The following RGS22 variants were observed in gnomAD, a reference collection of about 807,000 sequenced individuals.
RGS22 encodes the protein regulator of G-protein signaling 22.
A neutral mutation model predicts 172.9 loss-of-function variants in RGS22; 148 were observed. The observed-to-expected ratio is 0.86, with a 90% CI of 0.75 to 0.98. The LOEUF is 0.98. Among genes scored for constraint, RGS22 ranks in the 50% least tolerant of loss-of-function variants. The pLI, the probability that RGS22 is intolerant of heterozygous loss-of-function variation, is 0.00. For missense variants in RGS22, 1,347 were observed against 1,440.8 expected, an observed-to-expected ratio of 0.93 and a Z score of 1.05; for synonymous variants, 458 against 480.2, an observed-to-expected ratio of 0.95 and a Z score of 0.60.
At chr8:99,971,804 C>T (rs1285659886) in intron 23 of RGS22, among the ~76,000 whole-genome samples, 1 of 152,054 alleles carries the variant, frequency 6.6e-6, no homozygotes, top group African/African-American at 2.4e-5. Flanking sequence ...GAATCAATAT[C>T]ATGAAAATGG....
chr8:100,028,566 T>C (rs1363083080), intron 14 of RGS22, among the ~76,000 whole-genome samples: 1 of 152,180 alleles, frequency 6.6e-6, no homozygotes, highest in Non-Finnish European at 1.5e-5. Flanking sequence ...AGTTTACCAT[T>C]ATGTGGGCTT....
intron 19 of RGS22, among the ~76,000 whole-genome samples, chr8:99,998,887 C>T (rs1473026835): frequency 2.0e-5 from 3 of 152,100 alleles, no homozygotes; most frequent in South Asian, 2.1e-4. Context: ...CCTGGCATGG[C>T]GTCTCACACC....
chr8:100,003,591 C>T (rs947637258), intron 17 of RGS22, among the ~76,000 whole-genome samples: 4 of 151,536 alleles, frequency 2.6e-5, no homozygotes, highest in Middle Eastern at 3.2e-3. Context: ...GGACACATTC[C>T]AGAAACAGTA....
chr8:100,001,169 A>G (rs1041594513), intron 18 of RGS22, among the ~76,000 whole-genome samples: 1 of 144,006 alleles, frequency 6.9e-6, no homozygotes. Context: ...GCAGTGTTAC[A>G]TGAACACAAA....
intron 2 of RGS22, among the ~76,000 whole-genome samples, chr8:100,097,849 C>T (rs3101315): frequency 0.16 from 24,919 of 152,072 alleles, 2,750 homozygotes; most frequent in African/African-American, 0.31. Flanking sequence ...TATGGGTCAG[C>T]CTTCCTAGCC....
intron 7 of RGS22, among the ~76,000 whole-genome samples, chr8:100,065,599 C>T (rs1188146956): frequency 1.3e-5 from 2 of 152,154 alleles, no homozygotes; most frequent in Non-Finnish European, 2.9e-5. Context: ...TAATGACTCC[C>T]ATTTCTGGAA....
chr8:100,033,833 C>A (rs1819130353), intron 14 of RGS22, among the ~76,000 whole-genome samples: 1 of 152,126 alleles, frequency 6.6e-6, no homozygotes, highest in African/African-American at 2.4e-5. Context: ...TAAATGTAAT[C>A]CATCACATAA....
chr8:100,066,228 A>T lies in RGS22; in HGVS notation c.663T>A (p.Phe221Leu). 6.2e-7 allele frequency: 1 copy of T among 1,613,366 alleles called. No individual in the cohort carries two copies. The highest frequency in any genetic ancestry group is 1.1e-5 in the South Asian group (1 of 91,046). ...TGTAGGGTACACAACAGGGTAACGA[A>T]AAGGTTGATACTGTTTGCTGACTTT... is the stretch of plus-strand genomic sequence containing the variant. Reference protein sequence around the residue: ...AKQSQQTVSTFSLPCCVPYNK... With the variant: ...AKQSQQTVSTLSLPCCVPYNK... Residue 221 changes from phenylalanine (F) to leucine (L), a missense_variant, in exon 7 of 28, where the codon TTT becomes TTA. Coordinates refer to ENST00000360863, the MANE Select transcript of RGS22 (RefSeq NM_015668.5).
chr8:100,049,118 G>A (rs1033541113), intron 10 of RGS22, among the ~76,000 whole-genome samples: 7 of 152,174 alleles, frequency 4.6e-5, no homozygotes, highest in South Asian at 2.1e-4. Flanking sequence ...AACTGATGGG[G>A]ATGGGTGGGG....
At chr8:99,998,983 C>T (rs1644601237) in intron 19 of RGS22, among the ~76,000 whole-genome samples, 3 of 152,098 alleles carry the variant, frequency 2.0e-5, no homozygotes, top group Admixed American at 2.0e-4. Flanking sequence ...TAGCAAGACT[C>T]CATCTCTTCA....
At chr8:100,065,607 G>A (rs922910164) in intron 7 of RGS22, among the ~76,000 whole-genome samples, 3 of 152,054 alleles carry the variant, frequency 2.0e-5, no homozygotes, top group African/African-American at 7.2e-5. Flanking sequence ...CCCATTTCTG[G>A]AAGATTCCTT....
rs565047902 is a variant in RGS22, at chr8:100,040,106, G to A, written c.1939-19C>T. On this transcript the variant is annotated intron_variant, in intron 12 of 27. Transcript: ENST00000360863. Reference sequence around the variant, plus strand: ...TTTTAACCTAGATAACAAAACAGAAGTCTATTATCCACCCAAAAACATTGT... The same window carrying A: ...TTTTAACCTAGATAACAAAACAGAAATCTATTATCCACCCAAAAACATTGT... 192 of 1,600,942 alleles carry A rather than the reference G, an allele frequency of 1.2e-4. 1 individual carries two copies. The South Asian group carries it at 2.0e-3, about 17-fold the overall frequency.
intron 3 of RGS22, 166 bp downstream of exon 3, chr8:100,093,281 C>A (rs930133884): frequency 5.8e-5 from 29 of 497,988 alleles, no homozygotes; most frequent in Middle Eastern, 1.1e-3. Context: ...AAATATGATT[C>A]AAATCCAAAT....
intron 14 of RGS22, among the ~76,000 whole-genome samples, chr8:100,017,931 A>C (rs113995883): frequency 1.6e-3 from 248 of 152,312 alleles, no homozygotes; most frequent in African/African-American, 5.6e-3. Flanking sequence ...ACTCTGATTC[A>C]CATTCAAGCA....
chr8:100,051,683 A>G lies in RGS22; in HGVS notation c.1689+1119T>C, dbSNP rs370171086. On this transcript the variant is annotated intron_variant, in intron 10 of 27. Coordinates refer to ENST00000360863, the MANE Select transcript of RGS22 (RefSeq NM_015668.5). ...AATATATATTTATATATGTTTATAC[A>G]TATATATATTTATATATACGTATAT... 3.6e-3 allele frequency among the ~76,000 whole-genome samples: 118 copies of G among 32,790 alleles called. 30 individuals carry two copies. Among genetic ancestry groups the G allele is most frequent in the African/African-American group, 0.01 (63 of 6,206 alleles). The allele number at this position is 32,790 out of a possible 152,430, so 21.5% of individuals were successfully genotyped here.
At chr8:100,022,865 C>T (rs1817766584) in intron 14 of RGS22, among the ~76,000 whole-genome samples, 2 of 152,022 alleles carry the variant, frequency 1.3e-5, no homozygotes, top group Admixed American at 6.6e-5. Flanking sequence ...GTAGCTGGGA[C>T]TACAGGTGCA....
intron 10 of RGS22, among the ~76,000 whole-genome samples, chr8:100,052,228 T>TAAATATATAAACATATATAAATATACAC (rs1195060811): frequency 1.6e-5 from 2 of 121,276 alleles, no homozygotes; most frequent in Admixed American, 8.6e-5. Context: ...TACACATATA[T>TAAATATATAAACATATATAAATATACAC]ATGTATATTT....
At chr8:99,972,127 C>G (rs1811428527) in intron 23 of RGS22, among the ~76,000 whole-genome samples, 1 of 152,040 alleles carries the variant, frequency 6.6e-6, no homozygotes, top group African/African-American at 2.4e-5. Flanking sequence ...TTCGACAAAC[C>G]TGACAAAAAC....
chr8:100,032,347 A>G (rs1209317276), intron 14 of RGS22, among the ~76,000 whole-genome samples: 2 of 152,204 alleles, frequency 1.3e-5, no homozygotes, highest in African/African-American at 4.8e-5. Flanking sequence ...GGAAAACAAA[A>G]AAAAGGAGGG....
Sources: gnomAD v4.1 joint callset for allele counts (sites outside exome capture counted in the v4.1 genomes callset) on GRCh38, gnomAD v4.1.1 for gene constraint, MANE v1.5 for transcripts, NCBI Gene and HGNC (gene_info 2026-07-23, HGNC 2026-07-21) for gene names.